MACROD2: variants seen among roughly 807,000 people sequenced by gnomAD.
MACROD2 encodes mono-ADP ribosylhydrolase 2.
In MACROD2, 36 loss-of-function variants were observed where a neutral mutation model predicts 70.4. That is an observed-to-expected ratio of 0.51 (90% CI 0.39 to 0.68). The LOEUF (loss-of-function observed/expected upper bound fraction) is 0.68. Among genes scored for constraint, MACROD2 ranks in the 30% least tolerant of loss-of-function variants. The probability of loss-of-function intolerance (pLI) is 0.00; values close to 1 mark genes in which losing one functional copy is unlikely to be tolerated. For missense variants in MACROD2, 496 were observed against 538.4 expected (o/e 0.92, Z 0.78); for synonymous variants, 172 against 178.8 (o/e 0.96, Z 0.30).
At chr20:15,842,247 C>T (rs574078828) in intron 8 of MACROD2, among the ~76,000 whole-genome samples, 2 of 152,158 alleles carry the variant, frequency 1.3e-5, no homozygotes, top group East Asian at 1.9e-4. Flanking sequence ...CCTACAGGTG[C>T]ATGCCACGTC....
At chr20:14,322,175 A>AATATAAATATATATATATATATAT (rs2082667283) in intron 3 of MACROD2, among the ~76,000 whole-genome samples, 5 of 66,376 alleles carry the variant, frequency 7.5e-5, no homozygotes, top group Admixed American at 4.6e-4. Flanking sequence ...ATTCTATTGA[A>AATATAAATATATATATATATATAT]ATATATATAT....
chr20:15,920,964 C>T (rs1318895989), intron 10 of MACROD2, among the ~76,000 whole-genome samples: 2 of 152,176 alleles, frequency 1.3e-5, no homozygotes, highest in Non-Finnish European at 2.9e-5. Flanking sequence ...CTTTTCAGTC[C>T]ATCCTGTTCT....
At chr20:15,332,898 A>G (rs912667133) in intron 6 of MACROD2, among the ~76,000 whole-genome samples, 5 of 151,524 alleles carry the variant, frequency 3.3e-5, no homozygotes, top group African/African-American at 9.8e-5. Flanking sequence ...CTGGCAGGAA[A>G]CTCAGAAGTC....
At chr20:14,273,669 A>G (rs2122366775) in intron 3 of MACROD2, among the ~76,000 whole-genome samples, 1 of 151,914 alleles carries the variant, frequency 6.6e-6, no homozygotes, top group African/African-American at 2.4e-5. Flanking sequence ...GGAAATAGAG[A>G]CACAAAAAAC....
intron 3 of MACROD2, among the ~76,000 whole-genome samples, chr20:14,226,579 G>A (rs1295414448): frequency 6.6e-6 from 1 of 152,176 alleles, no homozygotes; most frequent in African/African-American, 2.4e-5. Context: ...GTGGGCGTGG[G>A]CTTGGCGGGC....
intron 2 of MACROD2, among the ~76,000 whole-genome samples, chr20:14,042,532 G>A (rs2053406702): frequency 6.6e-6 from 1 of 152,086 alleles, no homozygotes; most frequent in African/African-American, 2.4e-5. Context: ...AGAGTCTCAC[G>A]CTGTCGCCCG....
chr20:15,945,828 T>A lies in MACROD2; in HGVS notation c.907+8284T>A, dbSNP rs112333762. On this transcript the variant is annotated intron_variant, in intron 12 of 17. Coordinates refer to ENST00000684519, the MANE Select transcript of MACROD2 (RefSeq NM_001351661.2). Reference sequence around the variant, plus strand: ...CAAATCTGTCTGAACCCAAAGCCCATGCATTTTCTATCCACCATGCTGCCT... The same window carrying A: ...CAAATCTGTCTGAACCCAAAGCCCAAGCATTTTCTATCCACCATGCTGCCT... Among the ~76,000 whole-genome samples, 634 of 152,268 alleles carry A rather than the reference T, an allele frequency of 4.2e-3. 7 individuals carry two copies. Among genetic ancestry groups the A allele is most frequent in the African/African-American group, 0.015 (605 of 41,554 alleles).
chr20:14,802,427 T>C (rs1030190953), intron 5 of MACROD2, among the ~76,000 whole-genome samples: 1 of 152,056 alleles, frequency 6.6e-6, no homozygotes, highest in African/African-American at 2.4e-5. Flanking sequence ...CCTTCTGCTA[T>C]ATAGTTTCAG....
intron 5 of MACROD2, among the ~76,000 whole-genome samples, chr20:14,954,724 A>AAATTATAAATTT (rs1568895128): frequency 1.9e-4 from 2 of 10,704 alleles, no homozygotes; most frequent in Non-Finnish European, 9.4e-4. Context: ...ATATAAATGT[A>AAATTATAAATTT]TAAATATATA....
intron 5 of MACROD2, among the ~76,000 whole-genome samples, chr20:15,034,440 A>G (rs1243134415): frequency 6.6e-6 from 1 of 152,170 alleles, no homozygotes; most frequent in East Asian, 1.9e-4. Flanking sequence ...ATTCACCTCC[A>G]CAACTTTCCT....
At chr20:14,116,411 A>G (rs2148688719) in intron 3 of MACROD2, among the ~76,000 whole-genome samples, 1 of 152,314 alleles carries the variant, frequency 6.6e-6, no homozygotes, top group Admixed American at 6.5e-5. Context: ...TGCGGAATTA[A>G]TGAATGGTTG....
At chr20:15,353,871 G>A in intron 6 of MACROD2, among the ~76,000 whole-genome samples, 1 of 109,560 alleles carries the variant, frequency 9.1e-6, no homozygotes. Flanking sequence ...AGAGGATGTG[G>A]AGAAATAGGA....
intron 4 of MACROD2, among the ~76,000 whole-genome samples, chr20:14,600,343 T>TATAC (rs1320891260): frequency 8.4e-5 from 11 of 130,204 alleles, no homozygotes; most frequent in Admixed American, 2.4e-4. Context: ...TATATATATA[T>TATAC]ACACACACAC....
At chr20:15,755,423 A>G (rs2051333920) in intron 8 of MACROD2, among the ~76,000 whole-genome samples, 1 of 152,190 alleles carries the variant, frequency 6.6e-6, no homozygotes, top group South Asian at 2.1e-4. Context: ...AACTGTAAAG[A>G]GAAGCTTGTT....
chr20:14,717,192 A>C (rs753480439), intron 5 of MACROD2, among the ~76,000 whole-genome samples: 13 of 152,144 alleles, frequency 8.5e-5, no homozygotes, highest in Non-Finnish European at 1.5e-4. Flanking sequence ...TATAAAACAG[A>C]ATATAGAAAA....
At chr20:14,245,797 G>T (rs2081964358) in intron 3 of MACROD2, among the ~76,000 whole-genome samples, 1 of 152,090 alleles carries the variant, frequency 6.6e-6, no homozygotes, top group Non-Finnish European at 1.5e-5. Context: ...AAAGCATGCA[G>T]ACATACTTTA....
intron 3 of MACROD2, among the ~76,000 whole-genome samples, chr20:14,156,858 T>A (rs1355076748): frequency 6.6e-6 from 1 of 152,200 alleles, no homozygotes; most frequent in African/African-American, 2.4e-5. Flanking sequence ...CAATAGTCAA[T>A]GTAATTTCAC....
intron 5 of MACROD2, among the ~76,000 whole-genome samples, chr20:15,163,499 A>G (rs1006371769): frequency 2.0e-5 from 3 of 152,212 alleles, no homozygotes; most frequent in South Asian, 4.1e-4. Flanking sequence ...GAAGCTTTGA[A>G]TAGTACAATT....
chr20:16,020,675 C>T (rs563397130), intron 15 of MACROD2, among the ~76,000 whole-genome samples: 3 of 150,992 alleles, frequency 2.0e-5, no homozygotes, highest in Admixed American at 6.6e-5. Flanking sequence ...TTATTATTAA[C>T]GAATTCACTC....
Sources: gnomAD v4.1 joint callset for allele counts (sites outside exome capture counted in the v4.1 genomes callset) on GRCh38, gnomAD v4.1.1 for gene constraint, MANE v1.5 for transcripts, NCBI Gene and HGNC (gene_info 2026-07-23, HGNC 2026-07-21) for gene names.